The following BLTP1 variants were observed in gnomAD, a reference collection of about 807,000 sequenced individuals.
BLTP1 encodes the protein bridge-like lipid transfer protein family member 1.
chr4:122,269,666 G>A, the BLTP1 span: 4 of 985,056 alleles, frequency 4.1e-6, no homozygotes, highest in Non-Finnish European at 4.8e-6. Context: ...TCTGCTGATT[G>A]TTGTATATTA....
chr4:122,326,599 C>T, the BLTP1 span, among the ~76,000 whole-genome samples: 1 of 151,278 alleles, frequency 6.6e-6, no homozygotes, highest in Non-Finnish European at 1.5e-5. Flanking sequence ...AGAATTTACA[C>T]GAATGGAGTG....
the BLTP1 span, chr4:122,255,313 G>T: frequency 2.1e-5 from 30 of 1,462,050 alleles, no homozygotes; most frequent in Non-Finnish European, 2.9e-5. Context: ...TTAGTTTTAA[G>T]GAATTCTCTA....
the BLTP1 span, chr4:122,249,689 A>G: frequency 6.2e-7 from 1 of 1,613,388 alleles, no homozygotes; most frequent in East Asian, 2.2e-5. Flanking sequence ...AAAGGCAAGC[A>G]TTTTTTATTG....
the BLTP1 span, chr4:122,291,977 T>C: frequency 3.7e-6 from 1 of 269,464 alleles, no homozygotes; most frequent in Non-Finnish European, 5.6e-6. Flanking sequence ...TTTTTTTTTT[T>C]TTTTTTTTTT....
At chr4:122,222,628 A>G in the BLTP1 span, among the ~76,000 whole-genome samples, 9 of 152,040 alleles carry the variant, frequency 5.9e-5, no homozygotes, top group Admixed American at 5.9e-4. Flanking sequence ...GGTTGCTAGC[A>G]ATCTCTGGTA....
the BLTP1 span, chr4:122,359,838 T>C: frequency 1.8e-3 from 2,633 of 1,432,820 alleles, 6 homozygotes; most frequent in Non-Finnish European, 2.3e-3. Context: ...GTTAGTCTCC[T>C]GTAATGTCTA....
At chr4:122,282,933 G>T in the BLTP1 span, among the ~76,000 whole-genome samples, 6 of 151,008 alleles carry the variant, frequency 4.0e-5, no homozygotes, top group Middle Eastern at 3.2e-3. Flanking sequence ...TTCTTGATTC[G>T]CAATAATTCT....
the BLTP1 span, among the ~76,000 whole-genome samples, chr4:122,155,746 A>T: frequency 6.6e-6 from 1 of 152,220 alleles, no homozygotes; most frequent in South Asian, 2.1e-4. Context: ...TAGAAGATAC[A>T]TGGTCAGATA....
the BLTP1 span, chr4:122,310,925 C>G: frequency 2.1e-6 from 2 of 942,270 alleles, no homozygotes; most frequent in African/African-American, 3.6e-5. Flanking sequence ...CCAGTATCAG[C>G]CTACAACAGA....
At chr4:122,301,028 A>T in the BLTP1 span, 10 of 978,414 alleles carry the variant, frequency 1.0e-5, no homozygotes, top group Non-Finnish European at 1.2e-5. Flanking sequence ...TTTCCCTCAA[A>T]TGTGTTTTCT....
At chr4:122,219,314 A>AATTTG in the BLTP1 span, 3 of 1,605,224 alleles carry the variant, frequency 1.9e-6, no homozygotes, top group East Asian at 4.5e-5. Flanking sequence ...TTTTGACAGC[A>AATTTG]ATTTGTGTTT....
At chr4:122,183,310 TG>T in the BLTP1 span, 1 of 801,458 alleles carries the variant, frequency 1.2e-6, no homozygotes, top group Non-Finnish European at 1.5e-6. Context: ...CATGCCACAC[TG>T]GGGGACAGAG....
At chr4:122,238,355 G>A in the BLTP1 span, 1 of 1,611,460 alleles carries the variant, frequency 6.2e-7, no homozygotes. Flanking sequence ...AGCAAGGTCA[G>A]TATTCACTTA....
At chr4:122,356,686 A>G in the BLTP1 span, 1 of 1,613,954 alleles carries the variant, frequency 6.2e-7, no homozygotes, top group Admixed American at 1.7e-5. Flanking sequence ...CATTTGTGTG[A>G]CTATGGATGC....
the BLTP1 span, chr4:122,291,965 A>ATTT: frequency 1.1e-4 from 18 of 169,422 alleles, no homozygotes; most frequent in Non-Finnish European, 1.8e-4. Flanking sequence ...TGCATCAAAC[A>ATTT]GTTTTTTTTT....
chr4:122,182,821 C>G, the BLTP1 span: 1 of 984,710 alleles, frequency 1.0e-6, no homozygotes, highest in Non-Finnish European at 1.2e-6. Context: ...ACTCATTTCC[C>G]TCTTTCTTTT....
At chr4:122,308,229 T>C in the BLTP1 span, 1 of 1,532,764 alleles carries the variant, frequency 6.5e-7, no homozygotes, top group African/African-American at 1.4e-5. Flanking sequence ...TCTAAGTATT[T>C]AGAATATAAC....
the BLTP1 span, chr4:122,286,677 T>C: frequency 5.1e-5 from 82 of 1,613,868 alleles, no homozygotes; most frequent in African/African-American, 9.5e-4. Flanking sequence ...CAGGGAAATA[T>C]ATAATGGAAG....
chr4:122,336,125 A>G, the BLTP1 span: 1 of 1,312,104 alleles, frequency 7.6e-7, no homozygotes, highest in Non-Finnish European at 1.0e-6. Flanking sequence ...ACTTTAATAT[A>G]ATTCAAATTT....
Sources: gnomAD v4.1 joint callset for allele counts (sites outside exome capture counted in the v4.1 genomes callset) on GRCh38, gnomAD v4.1.1 for gene constraint, MANE v1.5 for transcripts, NCBI Gene and HGNC (gene_info 2026-07-23, HGNC 2026-07-21) for gene names.